The following STMN1 variants were observed in gnomAD, a reference collection of about 807,000 sequenced individuals.
STMN1 encodes stathmin 1.
Under a neutral mutation model 19.7 loss-of-function variants are expected in STMN1, and 3 were observed. The ratio of observed to expected loss-of-function variants is 0.15; its 90% CI spans 0.07 to 0.39. STMN1 has a LOEUF of 0.39. Ranked by LOEUF, STMN1 falls within the 10% of genes least tolerant of loss-of-function variation. STMN1 has a pLI of 1.00. For missense variants in STMN1, 99 were observed against 176.0 expected, an observed-to-expected ratio of 0.56 and a Z score of 2.48; for synonymous variants, 59 against 58.9, an observed-to-expected ratio of 1.00 and a Z score of -0.01.
intron 1 of STMN1, chr1:25,905,124 T>G (rs1393994986): frequency 1.9e-5 from 3 of 157,820 alleles, no homozygotes; most frequent in African/African-American, 7.2e-5. Flanking sequence ...TACAACTCAT[T>G]GTGCAAATGA....
intron 4 of STMN1, among the ~76,000 whole-genome samples, chr1:25,891,960 C>G (rs2048779594): frequency 6.6e-6 from 1 of 152,196 alleles, no homozygotes; most frequent in Non-Finnish European, 1.5e-5. Context: ...CTGCAGTTTA[C>G]AGATGAGGGT....
chr1:25,895,993 C>T, downstream of STMN1, among the ~76,000 whole-genome samples: 1 of 152,212 alleles, frequency 6.6e-6, no homozygotes, highest in East Asian at 1.9e-4. Context: ...TAACCTCCCA[C>T]CACGAGCCAG....
At chr1:25,893,697 C>A (rs988519887) in intron 4 of STMN1, among the ~76,000 whole-genome samples, 2 of 152,150 alleles carry the variant, frequency 1.3e-5, no homozygotes, top group African/African-American at 2.4e-5. Context: ...CCCGCCATCA[C>A]GCCTGGCTAA....
chr1:25,897,707 C>A (rs1437639151), downstream of STMN1, among the ~76,000 whole-genome samples: 1 of 152,132 alleles, frequency 6.6e-6, no homozygotes. Context: ...CAGAGCAGCC[C>A]CCCTTCCTGT....
chr1:25,885,573 A>T, exon 5 of STMN1: 1 of 1,035,786 alleles, frequency 9.7e-7, no homozygotes, highest in South Asian at 2.0e-5. Context: ...TGAGGCTCAG[A>T]CACAGCAAGC....
exon 5 of STMN1, chr1:25,885,499 C>A: frequency 2.0e-6 from 1 of 501,726 alleles, no homozygotes; most frequent in Non-Finnish European, 3.3e-6. Flanking sequence ...AGTGTCTGTC[C>A]TTACAACAAA....
At chr1:25,901,139 A>AC (rs748660560) in intron 4 of STMN1, 52 bp from the exon 5 acceptor site, 85 of 1,514,178 alleles carry the variant, frequency 5.6e-5, no homozygotes, top group East Asian at 1.4e-4. Flanking sequence ...AAAAAAAAAA[A>AC]GCCTGTCAAG....
At chr1:25,902,151 G>T (rs2048882854) in intron 3 of STMN1, 1 of 146,948 alleles carries the variant, frequency 6.8e-6, no homozygotes, top group African/African-American at 2.7e-5. Flanking sequence ...CTGTGAAAAT[G>T]ATATTCTTTT....
chr1:25,906,770 G>A (rs191365500), upstream of STMN1: 1 of 152,574 alleles, frequency 6.6e-6, no homozygotes, highest in East Asian at 1.9e-4. This position sits in a 1 kb window ranked among gnomAD's most constrained non-coding sequence, Gnocchi z 4.5. Context: ...GGCGGAGGGC[G>A]GGGGGGTCCT....
chr1:25,891,804 C>T (rs896026410), intron 4 of STMN1, among the ~76,000 whole-genome samples: 1 of 152,118 alleles, frequency 6.6e-6, no homozygotes, highest in African/African-American at 2.4e-5. Flanking sequence ...CGCCACCCCC[C>T]ACCACCAACA....
intron 4 of STMN1, among the ~76,000 whole-genome samples, chr1:25,886,983 A>G (rs1478262498): frequency 1.3e-5 from 2 of 151,888 alleles, no homozygotes; most frequent in African/African-American, 4.8e-5. Context: ...GGTCCCCACC[A>G]CCCTGTTCTG....
At chr1:25,895,659 T>G (rs1003837263), downstream of STMN1, among the ~76,000 whole-genome samples, 1 of 152,226 alleles carries the variant, frequency 6.6e-6, no homozygotes, top group African/African-American at 2.4e-5. Flanking sequence ...ATCTGTCAGC[T>G]TTTTTCAAGA....
At chr1:25,893,483 AT>A (rs1198112150) in intron 4 of STMN1, among the ~76,000 whole-genome samples, 1 of 152,186 alleles carries the variant, frequency 6.6e-6, no homozygotes, top group Admixed American at 6.5e-5. Flanking sequence ...GCTCTGATGT[AT>A]GGCTGACACC....
Position 25,890,912 on chromosome 1 carries a change from C to T in STMN1, c.379-5043G>A, listed in dbSNP as rs1048431108. On this transcript the variant is annotated intron_variant, in intron 4 of 4. Coordinates refer to the STMN1 transcript ENST00000426559. ...CATCTGGAAAATGGCATTGAGAGAG[C>T]AAGCAGCCTGCTGGCTCTGCCTCTA... Among the ~76,000 whole-genome samples, 8 of 152,334 alleles carry T rather than the reference C, an allele frequency of 5.3e-5. No homozygotes were observed. In the East Asian group the frequency reaches 1.5e-3, roughly 29 times the overall value.
At chr1:25,889,062 T>G (rs2048748884) in intron 4 of STMN1, 1 of 491,034 alleles carries the variant, frequency 2.0e-6, no homozygotes, top group East Asian at 5.5e-5. Context: ...TAAAATCAGG[T>G]ACAACTCCAA....
intron 4 of STMN1, among the ~76,000 whole-genome samples, chr1:25,893,176 C>T (rs1407354458): frequency 2.0e-5 from 3 of 152,188 alleles, no homozygotes; most frequent in African/African-American, 4.8e-5. Context: ...ATTCCAGCCT[C>T]AGCTTTGTTT....
chr1:25,903,917 G>C (rs1196544483), intron 2 of STMN1, 104 bp from the exon 3 acceptor site: 4 of 1,188,772 alleles, frequency 3.4e-6, no homozygotes, highest in Non-Finnish European at 4.6e-6. Context: ...TATTAAACTA[G>C]GGCTGATGAG....
intron 4 of STMN1, among the ~76,000 whole-genome samples, chr1:25,893,019 T>C (rs1557478869): frequency 6.6e-6 from 1 of 152,234 alleles, no homozygotes; most frequent in Non-Finnish European, 1.5e-5. Flanking sequence ...AAATATATAC[T>C]ATATAATACT....
downstream of STMN1, chr1:25,884,952 A>C (rs1401485211): frequency 6.5e-6 from 1 of 153,712 alleles, no homozygotes; most frequent in Non-Finnish European, 1.5e-5. Context: ...GGTGAGAAAT[A>C]AAATGTGATC....
Sources: gnomAD v4.1 joint callset for allele counts (sites outside exome capture counted in the v4.1 genomes callset) on GRCh38, gnomAD v4.1.1 for gene constraint, Gnocchi (gnomAD v3.1) non-coding constraint, MANE v1.5 for transcripts, NCBI Gene and HGNC (gene_info 2026-07-23, HGNC 2026-07-21) for gene names.